Variants in TENM3 observed in about 807,000 individuals in gnomAD.
TENM3 encodes the protein teneurin transmembrane protein 3.
A neutral mutation model predicts 255.1 loss-of-function variants in TENM3; 63 were observed. That is an observed-to-expected ratio of 0.25 (90% CI 0.20 to 0.30). The LOEUF is 0.30. TENM3 is among the 10% of genes least tolerant of loss of function. The pLI is 1.00. For synonymous variants in TENM3, 1,306 were observed against 1,322.3 expected, an observed-to-expected ratio of 0.99 and a Z score of 0.27; for missense variants, 2,929 against 3,461.1, an observed-to-expected ratio of 0.85 and a Z score of 3.86.
intron 4 of TENM3, among the ~76,000 whole-genome samples, chr4:182,615,042 A>AAATAC (rs1403989160): frequency 6.3e-4 from 36 of 57,480 alleles, no homozygotes; most frequent in Non-Finnish European, 1.1e-3. Flanking sequence ...AAAAAAAAAA[A>AAATAC]ATACATATAT....
At chr4:182,547,964 T>G (rs1741615859) in intron 3 of TENM3, among the ~76,000 whole-genome samples, 1 of 151,890 alleles carries the variant, frequency 6.6e-6, no homozygotes, top group Non-Finnish European at 1.5e-5. Context: ...GTGCCTCGAG[T>G]CCCAGCACTT....
intron 3 of TENM3, among the ~76,000 whole-genome samples, chr4:182,582,563 G>A (rs1514477): frequency 6.6e-6 from 1 of 151,718 alleles, no homozygotes; most frequent in South Asian, 2.1e-4. Flanking sequence ...TTTTTAGTAA[G>A]TCTTTTTTGA....
chr4:182,340,028 G>A (rs1000003483), intron 2 of TENM3, among the ~76,000 whole-genome samples: 6 of 151,708 alleles, frequency 4.0e-5, no homozygotes, highest in Non-Finnish European at 5.9e-5. Flanking sequence ...TTCTTTATAC[G>A]TCAGCCAACT....
intron 3 of TENM3, among the ~76,000 whole-genome samples, chr4:182,395,380 G>A (rs143029137): frequency 6.6e-6 from 1 of 152,230 alleles, no homozygotes; most frequent in Admixed American, 6.5e-5. Context: ...CTTTTAGGGA[G>A]TACTGATTAA....
At chr4:181,976,074 A>G in the TENM3 span, 2 of 152,302 alleles carry the variant, frequency 1.3e-5, no homozygotes, top group East Asian at 3.9e-4. Flanking sequence ...TTTTATAAGG[A>G]CATCAGTCAT....
chr4:182,360,073 GT>G (rs1765852129), intron 3 of TENM3, among the ~76,000 whole-genome samples: 1 of 152,014 alleles, frequency 6.6e-6, no homozygotes, highest in Non-Finnish European at 1.5e-5. Context: ...TGATTGCACT[GT>G]GGTCTGAGAG....
chr4:181,699,476 AG>A, the TENM3 span, among the ~76,000 whole-genome samples: 37 of 144,150 alleles, frequency 2.6e-4, 1 homozygote, highest in African/African-American at 9.1e-4. Flanking sequence ...AAAAAAAGAA[AG>A]AAAGAAAAAG....
chr4:182,184,829 G>T (rs2149756418), intron 1 of TENM3, among the ~76,000 whole-genome samples: 1 of 152,228 alleles, frequency 6.6e-6, no homozygotes, highest in East Asian at 1.9e-4. Context: ...GCTCACACCT[G>T]TGATCCCTAC....
Position 182,325,113 on chromosome 4 carries a change from A to T in TENM3, c.232+861A>T, listed in dbSNP as rs187082549. ...TTGTAATGTGCAGTATAATTTACAT[A>T]TAACTTAGCATTCTTTAGCTAATTT... On this transcript the variant is annotated intron_variant, in intron 2 of 27. Coordinates refer to ENST00000511685, the MANE Select transcript of TENM3 (RefSeq NM_001080477.4). Among the ~76,000 whole-genome samples the T allele has an allele frequency of 1.5e-3, 229 of 152,352 alleles. 1 individual carries two copies. Among genetic ancestry groups the T allele is most frequent in the African/African-American group, 5.3e-3 (222 of 41,588 alleles).
intron 1 of TENM3, among the ~76,000 whole-genome samples, chr4:182,164,911 C>G (rs1004605880): frequency 6.6e-6 from 1 of 152,142 alleles, no homozygotes; most frequent in Non-Finnish European, 1.5e-5. Context: ...ATATTTCATT[C>G]TTTCCCATTT....
At chr4:181,743,246 G>C in the TENM3 span, among the ~76,000 whole-genome samples, 1 of 152,118 alleles carries the variant, frequency 6.6e-6, no homozygotes, top group Non-Finnish European at 1.5e-5. Flanking sequence ...CTGAGGAATC[G>C]CCACACTGAC....
chr4:182,342,075 C>G (rs376185648), intron 2 of TENM3, among the ~76,000 whole-genome samples: 1 of 152,142 alleles, frequency 6.6e-6, no homozygotes, highest in Admixed American at 6.5e-5. Context: ...GAAAACAGTC[C>G]GGCAGTGCCT....
In TENM3 at chr4:182,483,871, C is replaced by G. The variant is rs548672803; in HGVS notation, c.512-117053C>G. ...AGTGAAGGGAGAAGTGCTACCCATT[C>G]TTAACCAGATCTCGCGAGAACTCAC... On this transcript the variant is annotated intron_variant, in intron 3 of 27. Coordinates refer to ENST00000511685, the MANE Select transcript of TENM3 (RefSeq NM_001080477.4). Among the ~76,000 whole-genome samples the G allele has an allele frequency of 5.9e-5, 9 of 152,100 alleles. No homozygotes were observed. The South Asian group carries it at 1.9e-3, about 32-fold the overall frequency.
intron 4 of TENM3, among the ~76,000 whole-genome samples, chr4:182,617,652 G>A (rs1290250501): frequency 1.3e-5 from 2 of 152,282 alleles, no homozygotes; most frequent in African/African-American, 2.4e-5. Flanking sequence ...GCCAAACATA[G>A]CCAGTCTTTC....
At chr4:182,166,874 T>TG (rs2149674682) in intron 1 of TENM3, among the ~76,000 whole-genome samples, 1 of 143,462 alleles carries the variant, frequency 7.0e-6, no homozygotes, top group African/African-American at 2.5e-5. Flanking sequence ...GTTAAACTCT[T>TG]GGGTTTTTTT....
chr4:181,528,096 CAG>C, the TENM3 span, among the ~76,000 whole-genome samples: 1 of 151,612 alleles, frequency 6.6e-6, no homozygotes, highest in African/African-American at 2.4e-5. Flanking sequence ...GGAAAAAAAA[CAG>C]AAATGAAATT....
chr4:181,573,456 A>G, the TENM3 span, among the ~76,000 whole-genome samples: 8 of 152,146 alleles, frequency 5.3e-5, no homozygotes, highest in Admixed American at 5.2e-4. Context: ...ATGTTAATGT[A>G]TAAAGCCACA....
At chr4:182,504,153 A>G (rs1256829819) in intron 3 of TENM3, among the ~76,000 whole-genome samples, 1 of 151,718 alleles carries the variant, frequency 6.6e-6, no homozygotes, top group Non-Finnish European at 1.5e-5. Context: ...GCTCAAACAT[A>G]TCTAAATATC....
At chr4:182,228,017 GT>G (rs1222079484) in intron 1 of TENM3, among the ~76,000 whole-genome samples, 1 of 152,088 alleles carries the variant, frequency 6.6e-6, no homozygotes, top group Non-Finnish European at 1.5e-5. Context: ...TATTTGGAGT[GT>G]TTTTAAGTCA....
Sources: allele counts gnomAD v4.1 joint callset (sites outside exome capture counted in the v4.1 genomes callset), GRCh38; gene constraint gnomAD v4.1.1; transcripts MANE v1.5; gene names NCBI Gene and HGNC (gene_info 2026-07-23, HGNC 2026-07-21).